The following KCNAB1 variants were observed in gnomAD, a reference collection of about 807,000 sequenced individuals.
KCNAB1 encodes the protein potassium voltage-gated channel subfamily A regulatory beta subunit 1, also known as voltage-gated potassium channel subunit beta-1.
In KCNAB1, 35 loss-of-function variants were observed where a neutral mutation model predicts 64.6. That is an observed-to-expected ratio of 0.54 (90% CI 0.41 to 0.72). The LOEUF (loss-of-function observed/expected upper bound fraction) is 0.72, where lower values mean the gene tolerates loss of function less well. KCNAB1 is among the 30% of genes least tolerant of loss of function. The pLI, the probability that KCNAB1 is intolerant of heterozygous loss-of-function variation, is 0.00. For missense variants in KCNAB1, 401 were observed against 512.9 expected, an observed-to-expected ratio of 0.78 and a Z score of 2.11; for synonymous variants, 177 against 183.8, an observed-to-expected ratio of 0.96 and a Z score of 0.30.
chr3:156,193,695 T>A (rs1011308529), intron 1 of KCNAB1, among the ~76,000 whole-genome samples: 3 of 152,074 alleles, frequency 2.0e-5, no homozygotes, highest in Non-Finnish European at 2.9e-5. Context: ...GTCGTCACTA[T>A]CATGAGAAAA....
intron 1 of KCNAB1, among the ~76,000 whole-genome samples, chr3:156,332,327 C>CTTCACCAAA (rs1412994617): frequency 6.6e-6 from 1 of 152,164 alleles, no homozygotes; most frequent in Non-Finnish European, 1.5e-5. Flanking sequence ...GATCCCACCC[C>CTTCACCAAA]TTCACCAAAT....
chr3:156,422,207 T>C (rs966126664), intron 2 of KCNAB1, among the ~76,000 whole-genome samples: 11 of 152,234 alleles, frequency 7.2e-5, no homozygotes, highest in Non-Finnish European at 1.6e-4. Flanking sequence ...GAGGATTAAA[T>C]AGAGATGGCA....
chr3:156,233,006 G>A (rs1716623885), intron 1 of KCNAB1, among the ~76,000 whole-genome samples: 1 of 152,096 alleles, frequency 6.6e-6, no homozygotes, highest in Admixed American at 6.5e-5. Context: ...TCTTCTAGAG[G>A]ATGGTCCATG....
At chr3:156,444,158 A>G (rs917320651) in intron 2 of KCNAB1, among the ~76,000 whole-genome samples, 4 of 152,214 alleles carry the variant, frequency 2.6e-5, no homozygotes, top group African/African-American at 9.7e-5. Flanking sequence ...ACAAGGAAGA[A>G]TGCTTTGTGT....
intron 1 of KCNAB1, among the ~76,000 whole-genome samples, chr3:156,373,563 GAAATGTA>G (rs1223139949): frequency 3.9e-5 from 6 of 152,126 alleles, no homozygotes; most frequent in Non-Finnish European, 8.8e-5. Context: ...CTTTTAACAG[GAAATGTA>G]AAATGTAAAA....
intron 2 of KCNAB1, among the ~76,000 whole-genome samples, chr3:156,451,814 C>A (rs1034587931): frequency 6.6e-6 from 1 of 152,032 alleles, no homozygotes; most frequent in African/African-American, 2.4e-5. Context: ...GTGCTCTTGC[C>A]TCTCCCTAGA....
intron 1 of KCNAB1, among the ~76,000 whole-genome samples, chr3:156,208,729 T>C (rs895299235): frequency 2.0e-5 from 3 of 152,214 alleles, no homozygotes; most frequent in Non-Finnish European, 4.4e-5. Flanking sequence ...CCAAGAATCC[T>C]GCATCCTGAC....
Position 156,533,015 on chromosome 3 carries a change from C to A in KCNAB1, c.1170+1518C>A, listed in dbSNP as rs527492046. On this transcript the variant is annotated intron_variant, in intron 13 of 13. Transcript: ENST00000490337. Reference sequence around the variant, plus strand: ...AGAAACAGTGAATTAAAATATCTATCCCTTAATTCATTCAACAGATCTTTG... The same window carrying A: ...AGAAACAGTGAATTAAAATATCTATACCTTAATTCATTCAACAGATCTTTG... 1.2e-4 allele frequency among the ~76,000 whole-genome samples: 18 copies of A among 152,316 alleles called. No individual in the cohort carries two copies. In the East Asian group the frequency reaches 3.3e-3, roughly 28 times the overall value.
intron 1 of KCNAB1, among the ~76,000 whole-genome samples, chr3:156,419,450 G>A (rs1370206957): frequency 1.3e-5 from 2 of 149,930 alleles, no homozygotes; most frequent in East Asian, 2.0e-4. Context: ...GCAGTGAGCC[G>A]AGATTGCACC....
At chr3:156,244,276 C>A (rs1717332318) in intron 1 of KCNAB1, among the ~76,000 whole-genome samples, 1 of 152,156 alleles carries the variant, frequency 6.6e-6, no homozygotes, top group Non-Finnish European at 1.5e-5. Context: ...CTTTTATCTT[C>A]AAAGTGCATC....
At position 156,452,803 on chromosome 3, in the gene KCNAB1, A is replaced by G. The variant is rs1227919966; in HGVS notation, c.320-96A>G. On this transcript the variant is annotated intron_variant, in intron 2 of 13. Transcript: ENST00000490337. The surrounding 1 kb of genome is among the most constrained non-coding windows in gnomAD (Gnocchi z 4.6). ...GGTACCTTTGTGAACTACCCATACA[A>G]CCTATTGAGGTAGTCCCAAAGTAAG... 12 of 859,292 alleles carry G rather than the reference A, an allele frequency of 1.4e-5. No individual in the cohort carries two copies. The highest frequency in any genetic ancestry group is 2.2e-5 in the Non-Finnish European group (12 of 533,920). 53.2% of individuals were successfully genotyped at this position (859,292 alleles called of 1,614,324 possible).
chr3:156,395,221 C>T (rs1203714466), intron 1 of KCNAB1, among the ~76,000 whole-genome samples: 1 of 152,116 alleles, frequency 6.6e-6, no homozygotes, highest in Non-Finnish European at 1.5e-5. Flanking sequence ...AATAAATTTT[C>T]AGCTGTGTTG....
At chr3:156,476,683 T>C (rs963976089) in intron 8 of KCNAB1, among the ~76,000 whole-genome samples, 2 of 152,156 alleles carry the variant, frequency 1.3e-5, no homozygotes, top group Non-Finnish European at 2.9e-5. Flanking sequence ...TGAATTGTGC[T>C]GCTGTAAACA....
chr3:156,436,675 A>G (rs150156136), intron 2 of KCNAB1, among the ~76,000 whole-genome samples: 6 of 152,238 alleles, frequency 3.9e-5, no homozygotes, highest in African/African-American at 1.4e-4. Context: ...AGTGATGTTG[A>G]GCTTTTTGTC....
At chr3:156,505,831 G>A (rs1011330089) in intron 8 of KCNAB1, among the ~76,000 whole-genome samples, 4 of 152,056 alleles carry the variant, frequency 2.6e-5, no homozygotes, top group Admixed American at 6.6e-5. Context: ...TGTATTACAA[G>A]GCTAGAGGGA....
intron 1 of KCNAB1, among the ~76,000 whole-genome samples, chr3:156,201,840 G>A (rs1260815751): frequency 1.3e-5 from 2 of 152,174 alleles, no homozygotes; most frequent in Admixed American, 1.3e-4. Flanking sequence ...GCAGGCTAGT[G>A]CATGTCCATG....
At chr3:156,377,048 AG>A (rs1179662920) in intron 1 of KCNAB1, among the ~76,000 whole-genome samples, 1 of 152,190 alleles carries the variant, frequency 6.6e-6, no homozygotes, top group East Asian at 1.9e-4. Context: ...AAATAAGGCA[AG>A]TTAACTGAGT....
intron 1 of KCNAB1, among the ~76,000 whole-genome samples, chr3:156,252,974 A>G (rs1717917669): frequency 6.6e-6 from 1 of 152,238 alleles, no homozygotes; most frequent in South Asian, 2.1e-4. Flanking sequence ...AAGTAATGAG[A>G]TTTAAAATTA....
intron 1 of KCNAB1, among the ~76,000 whole-genome samples, chr3:156,348,260 G>A (rs1724618271): frequency 6.6e-6 from 1 of 152,148 alleles, no homozygotes; most frequent in Admixed American, 6.5e-5. Context: ...CAGACAATGA[G>A]AACAGAACAT....
Sources: allele counts gnomAD v4.1 joint callset (sites outside exome capture counted in the v4.1 genomes callset), GRCh38; gene constraint gnomAD v4.1.1; non-coding constraint Gnocchi (gnomAD v3.1); transcripts MANE v1.5; gene names NCBI Gene and HGNC (gene_info 2026-07-23, HGNC 2026-07-21).